Variants in ANK2 observed in about 807,000 individuals in gnomAD.
ANK2 encodes ankyrin-2.
ANK2 carries 83 observed loss-of-function variants against 360.5 expected under a neutral mutation model. The ratio of observed to expected loss-of-function variants is 0.23; its 90% confidence interval spans 0.19 to 0.28. The LOEUF is 0.28. Among genes scored for constraint, ANK2 ranks in the 10% least tolerant of loss-of-function variants. ANK2 has a pLI of 1.00. For synonymous variants in ANK2, 1,740 were observed against 1,759.5 expected, an observed-to-expected ratio of 0.99 and a Z score of 0.28; for missense variants, 4,201 against 4,795.7, an observed-to-expected ratio of 0.88 and a Z score of 3.66.
intron 4 of ANK2, among the ~76,000 whole-genome samples, chr4:113,202,255 C>T (rs991978194): frequency 7.9e-5 from 12 of 152,162 alleles, no homozygotes; most frequent in Non-Finnish European, 1.5e-5. Context: ...TTCAGAGCCA[C>T]TGAGGGCTGA....
At chr4:112,719,736 A>T in the ANK2 span, among the ~76,000 whole-genome samples, 2 of 152,082 alleles carry the variant, frequency 1.3e-5, no homozygotes, top group East Asian at 3.9e-4. Flanking sequence ...CAAAAAAAAA[A>T]AAAAAAGAAG....
intron 23 of ANK2, among the ~76,000 whole-genome samples, chr4:113,308,167 C>T (rs2078155272): frequency 1.3e-5 from 2 of 152,182 alleles, no homozygotes; most frequent in Non-Finnish European, 2.9e-5. Flanking sequence ...AGTCTAATGG[C>T]ACTCTATTCA....
At chr4:112,876,977 C>T (rs2075305588) in intron 1 of ANK2, among the ~76,000 whole-genome samples, 1 of 151,886 alleles carries the variant, frequency 6.6e-6, no homozygotes, top group Admixed American at 6.6e-5. Flanking sequence ...TTTTTTCTAC[C>T]CAACAATCTC....
At chr4:113,164,533 G>A (rs1355862289) in intron 1 of ANK2, among the ~76,000 whole-genome samples, 1 of 152,188 alleles carries the variant, frequency 6.6e-6, no homozygotes, top group Non-Finnish European at 1.5e-5. Context: ...GTGTCACGAA[G>A]CTGCTTCTGA....
chr4:112,816,037 C>T (rs1034451073), upstream of ANK2, among the ~76,000 whole-genome samples: 4 of 152,136 alleles, frequency 2.6e-5, no homozygotes, highest in African/African-American at 9.7e-5. Context: ...CCAAGCTGGA[C>T]AAAAGTGTGG....
At chr4:113,130,887 C>A (rs1391500128) in intron 1 of ANK2, among the ~76,000 whole-genome samples, 1 of 152,140 alleles carries the variant, frequency 6.6e-6, no homozygotes, top group Non-Finnish European at 1.5e-5. Flanking sequence ...TGTACCAATG[C>A]ATAAACAGTT....
the ANK2 span, among the ~76,000 whole-genome samples, chr4:112,786,155 C>G: frequency 6.6e-6 from 1 of 151,330 alleles, no homozygotes; most frequent in Non-Finnish European, 1.5e-5. Context: ...TTTGAGATAT[C>G]CTATAAACTT....
At chr4:112,726,677 C>G in the ANK2 span, among the ~76,000 whole-genome samples, 1 of 151,722 alleles carries the variant, frequency 6.6e-6, no homozygotes, top group Non-Finnish European at 1.5e-5. Flanking sequence ...CAGTGAAACC[C>G]CATCTCTACT....
At chr4:113,183,036 T>C (rs2098448357) in intron 2 of ANK2, among the ~76,000 whole-genome samples, 1 of 151,844 alleles carries the variant, frequency 6.6e-6, no homozygotes, top group African/African-American at 2.4e-5. Context: ...GGTGCACAAG[T>C]GGAGGGACTG....
chr4:112,756,206 T>A, the ANK2 span, among the ~76,000 whole-genome samples: 4 of 150,606 alleles, frequency 2.7e-5, no homozygotes, highest in Admixed American at 2.0e-4. Flanking sequence ...CCACTGCACT[T>A]CAGCCTGGGT....
rs564773649 is a variant in ANK2 at position 113,162,833 on chromosome 4, G to A, written c.85-11583G>A. Among the ~76,000 whole-genome samples the A allele has an allele frequency of 2.4e-3, 367 of 150,688 alleles. 1 individual carries two copies. The highest frequency in any genetic ancestry group is 8.2e-3 in the African/African-American group (338 of 41,044). On this transcript the variant is annotated intron_variant, in intron 1 of 45. Transcript: ENST00000357077. ...TTCAATCCCTAGCATCTAACACAGC[G>A]CCTGGTACATAGTAGGTACTTCAAA...
the ANK2 span, among the ~76,000 whole-genome samples, chr4:112,716,612 C>T: frequency 6.6e-6 from 1 of 152,108 alleles, no homozygotes; most frequent in African/African-American, 2.4e-5. Flanking sequence ...CGGAGTGCAG[C>T]GATGATTCAT....
At chr4:112,794,126 C>T in the ANK2 span, among the ~76,000 whole-genome samples, 1 of 152,174 alleles carries the variant, frequency 6.6e-6, no homozygotes. Flanking sequence ...ACAATGCAAA[C>T]ACAGAACTCT....
At chr4:113,265,580 C>T (rs1288777635) in intron 14 of ANK2, among the ~76,000 whole-genome samples, 4 of 152,180 alleles carry the variant, frequency 2.6e-5, no homozygotes, top group Non-Finnish European at 5.9e-5. Flanking sequence ...CTTGATCAGA[C>T]TTGTCCTGTT....
chr4:113,158,600 C>T (rs2154401124), intron 1 of ANK2, among the ~76,000 whole-genome samples: 1 of 152,222 alleles, frequency 6.6e-6, no homozygotes, highest in East Asian at 1.9e-4. Context: ...CAGGTTCTCA[C>T]CACGCTGCAC....
chr4:112,983,515 A>G (rs1425533837), intron 2 of ANK2, among the ~76,000 whole-genome samples: 3 of 148,322 alleles, frequency 2.0e-5, no homozygotes, highest in Non-Finnish European at 4.5e-5. Flanking sequence ...TGTCTCTACT[A>G]AAAAAAAAAT....
intron 2 of ANK2, among the ~76,000 whole-genome samples, chr4:113,176,053 C>A (rs535274541): frequency 6.6e-6 from 1 of 152,324 alleles, no homozygotes; most frequent in Non-Finnish European, 1.5e-5. Context: ...CGATATCTCC[C>A]TCTAGCTACA....
At chr4:112,986,384 A>G (rs2044877890) in intron 2 of ANK2, among the ~76,000 whole-genome samples, 1 of 152,224 alleles carries the variant, frequency 6.6e-6, no homozygotes, top group Non-Finnish European at 1.5e-5. Context: ...GTGTTTTGGT[A>G]ACCCACATGT....
intron 37 of ANK2, among the ~76,000 whole-genome samples, chr4:113,352,090 A>G (rs2154011545): frequency 6.6e-6 from 1 of 152,264 alleles, no homozygotes; most frequent in South Asian, 2.1e-4. Flanking sequence ...TATCTGTTCT[A>G]AATTCCCGCC....
Sources: allele counts gnomAD v4.1 joint callset (sites outside exome capture counted in the v4.1 genomes callset), GRCh38; gene constraint gnomAD v4.1.1; transcripts MANE v1.5; gene names NCBI Gene and HGNC (gene_info 2026-07-23, HGNC 2026-07-21).